The following DPP10 variants were observed in gnomAD, a reference collection of about 807,000 sequenced individuals.
DPP10 encodes the protein inactive dipeptidyl peptidase 10.
DPP10 carries 33 observed loss-of-function variants against 120.9 expected under a neutral mutation model. That is an observed-to-expected ratio of 0.27 (90% confidence interval 0.21 to 0.37). DPP10 has a LOEUF of 0.37. Ranked by LOEUF, DPP10 falls within the 10% of genes least tolerant of loss-of-function variation. DPP10 has a pLI of 1.00. For synonymous variants in DPP10, 337 were observed against 326.1 expected, an observed-to-expected ratio of 1.03 and a Z score of -0.36; for missense variants, 816 against 942.8, an observed-to-expected ratio of 0.87 and a Z score of 1.76.
intron 1 of DPP10, among the ~76,000 whole-genome samples, chr2:115,141,178 G>A (rs775154776): frequency 1.5e-4 from 23 of 152,092 alleles, no homozygotes; most frequent in South Asian, 2.1e-4. Flanking sequence ...TGTGTGGCTT[G>A]GAAAAGTTCC....
intron 1 of DPP10, among the ~76,000 whole-genome samples, chr2:114,469,394 C>A (rs142457235): frequency 1.1e-4 from 16 of 152,210 alleles, no homozygotes; most frequent in Admixed American, 9.8e-4. Flanking sequence ...TCTTGTTTAA[C>A]CTTCAGCCAG....
At chr2:114,476,786 T>C (rs1009787809) in intron 1 of DPP10, among the ~76,000 whole-genome samples, 1 of 152,058 alleles carries the variant, frequency 6.6e-6, no homozygotes, top group Non-Finnish European at 1.5e-5. Context: ...CCAAACTCAG[T>C]GAAATGTACA....
At chr2:115,557,519 A>G (rs1016760830) in intron 5 of DPP10, among the ~76,000 whole-genome samples, 2 of 152,164 alleles carry the variant, frequency 1.3e-5, no homozygotes, top group Non-Finnish European at 2.9e-5. Flanking sequence ...AGTCTTTTCT[A>G]TTGCCTTAAC....
intron 1 of DPP10, among the ~76,000 whole-genome samples, chr2:115,047,856 C>A (rs1238308755): frequency 1.3e-5 from 2 of 152,094 alleles, no homozygotes; most frequent in Admixed American, 6.6e-5. Flanking sequence ...AACTGCTTTT[C>A]ACCTGCTTAT....
intron 1 of DPP10, among the ~76,000 whole-genome samples, chr2:115,298,260 G>T (rs533822866): frequency 6.6e-6 from 1 of 152,034 alleles, no homozygotes; most frequent in Non-Finnish European, 1.5e-5. Context: ...CTGATCATGT[G>T]TGTTAGGCAT....
At chr2:115,203,706 C>T (rs1191442745) in intron 1 of DPP10, among the ~76,000 whole-genome samples, 1 of 152,100 alleles carries the variant, frequency 6.6e-6, no homozygotes, top group Non-Finnish European at 1.5e-5. Context: ...TGGCTTTGAC[C>T]TCTCATGATC....
chr2:114,788,366 T>A (rs1341635194), intron 1 of DPP10, among the ~76,000 whole-genome samples: 2 of 152,190 alleles, frequency 1.3e-5, no homozygotes, highest in Non-Finnish European at 2.9e-5. Flanking sequence ...GTAATTTCTT[T>A]AGAATAAATT....
At chr2:114,532,276 T>TATATATATATAC (rs1686063695) in intron 1 of DPP10, among the ~76,000 whole-genome samples, 1 of 52,276 alleles carries the variant, frequency 1.9e-5, no homozygotes, top group African/African-American at 6.4e-5. Flanking sequence ...TATATATATA[T>TATATATATATAC]ATATATATAT....
intron 19 of DPP10, among the ~76,000 whole-genome samples, chr2:115,802,278 T>C (rs1454701505): frequency 6.6e-6 from 1 of 152,222 alleles, no homozygotes; most frequent in Non-Finnish European, 1.5e-5. Context: ...TCAGTGGTGA[T>C]ATCCCCTTTG....
chr2:114,740,832 G>A (rs1482601053), intron 1 of DPP10, among the ~76,000 whole-genome samples: 1 of 152,042 alleles, frequency 6.6e-6, no homozygotes, highest in African/African-American at 2.4e-5. Context: ...TTTAAATTTG[G>A]GGTCCATTTT....
chr2:114,635,166 C>T (rs1214607865), intron 1 of DPP10, among the ~76,000 whole-genome samples: 1 of 151,398 alleles, frequency 6.6e-6, no homozygotes, highest in Non-Finnish European at 1.5e-5. Context: ...TATTCTTATG[C>T]TCCTCATGTT....
At chr2:114,966,966 C>G (rs745380175) in intron 1 of DPP10, among the ~76,000 whole-genome samples, 1 of 152,036 alleles carries the variant, frequency 6.6e-6, no homozygotes, top group Non-Finnish European at 1.5e-5. Context: ...CGCTTGAACT[C>G]GGGAGGCGGA....
chr2:115,261,432 A>G (rs540648240), intron 1 of DPP10, among the ~76,000 whole-genome samples: 5 of 152,356 alleles, frequency 3.3e-5, no homozygotes, highest in South Asian at 4.1e-4. Context: ...ACTTAAAAAA[A>G]TTGGCCTTGG....
intron 5 of DPP10, among the ~76,000 whole-genome samples, chr2:115,676,178 G>C (rs1308081989): frequency 6.6e-6 from 1 of 152,162 alleles, no homozygotes; most frequent in Non-Finnish European, 1.5e-5. Context: ...GGGTCTGAAG[G>C]CTGGTCTGCC....
chr2:115,324,467 C>T (rs975086566), intron 2 of DPP10, among the ~76,000 whole-genome samples: 3 of 152,092 alleles, frequency 2.0e-5, no homozygotes, highest in Non-Finnish European at 4.4e-5. Context: ...AGGGTCTTTC[C>T]TTAAACCTCA....
chr2:114,562,771 T>C (rs1270989338), intron 1 of DPP10, among the ~76,000 whole-genome samples: 1 of 152,236 alleles, frequency 6.6e-6, no homozygotes, highest in African/African-American at 2.4e-5. Context: ...ATATTTTCCA[T>C]TTATCTTGAT....
intron 1 of DPP10, among the ~76,000 whole-genome samples, chr2:115,187,285 C>G (rs1297416920): frequency 6.6e-6 from 1 of 151,838 alleles, no homozygotes; most frequent in East Asian, 2.0e-4. Context: ...ATCCACCCGC[C>G]TCGGCCTCCC....
intron 1 of DPP10, among the ~76,000 whole-genome samples, chr2:115,246,241 C>G (rs1325662746): frequency 6.6e-6 from 1 of 152,098 alleles, no homozygotes; most frequent in Non-Finnish European, 1.5e-5. Context: ...CAAACCTTCA[C>G]TACGTTACAG....
chr2:115,161,258 G>C (rs539914724), intron 1 of DPP10: 1 of 152,500 alleles, frequency 6.6e-6, no homozygotes, highest in African/African-American at 2.4e-5. Flanking sequence ...GACAGGTGTT[G>C]CCCGCCTCCC....
Sources: allele counts gnomAD v4.1 joint callset (sites outside exome capture counted in the v4.1 genomes callset), GRCh38; gene constraint gnomAD v4.1.1; transcripts MANE v1.5; gene names NCBI Gene and HGNC (gene_info 2026-07-23, HGNC 2026-07-21).